The following CDH13 variants were observed in gnomAD, a reference collection of about 807,000 sequenced individuals.
CDH13 encodes cadherin-13.
CDH13 carries 24 observed loss-of-function variants against 63.8 expected under a neutral mutation model. The ratio of observed to expected loss-of-function variants is 0.38; its 90% CI spans 0.27 to 0.53. The LOEUF is 0.53. Ranked by LOEUF, CDH13 falls within the 20% of genes least tolerant of loss-of-function variation. The pLI, the probability that CDH13 is intolerant of heterozygous loss-of-function variation, is 0.85. For synonymous variants in CDH13, 503 were observed against 355.3 expected (o/e 1.42, Z -4.67); for missense variants, 1,049 against 903.1 (o/e 1.16, Z -2.07).
chr16:83,692,115 A>C (rs546285637), intron 10 of CDH13, among the ~76,000 whole-genome samples: 1 of 152,178 alleles, frequency 6.6e-6, no homozygotes, highest in Admixed American at 6.5e-5. Context: ...GAAGCCAGAG[A>C]AGCGTGCCCT....
At chr16:83,604,360 C>G (rs1908130425) in intron 8 of CDH13, among the ~76,000 whole-genome samples, 1 of 152,148 alleles carries the variant, frequency 6.6e-6, no homozygotes, top group Admixed American at 6.5e-5. Flanking sequence ...AACACCAGTT[C>G]TAATTAGTTC....
intron 6 of CDH13, among the ~76,000 whole-genome samples, chr16:83,376,970 A>G (rs977409296): frequency 6.6e-6 from 1 of 152,140 alleles, no homozygotes; most frequent in Non-Finnish European, 1.5e-5. Context: ...CTCAAGCTAT[A>G]TGAAAGGGCC....
chr16:83,492,297 C>G (rs781112330), intron 7 of CDH13, among the ~76,000 whole-genome samples: 1 of 152,152 alleles, frequency 6.6e-6, no homozygotes, highest in Non-Finnish European at 1.5e-5. Flanking sequence ...TTAGGCCTTT[C>G]TGATTTAATG....
intron 5 of CDH13, among the ~76,000 whole-genome samples, chr16:83,315,767 T>C (rs1253356630): frequency 6.6e-6 from 1 of 152,188 alleles, no homozygotes; most frequent in Non-Finnish European, 1.5e-5. Flanking sequence ...CATCAATTTA[T>C]ATCTAAATTA....
Position 83,706,158 on chromosome 16 carries a change from A to G in CDH13, c.1538+27697A>G, listed in dbSNP as rs149738118. 2.9e-3 allele frequency among the ~76,000 whole-genome samples: 439 copies of G among 152,276 alleles called. 1 individual carries two copies. Among genetic ancestry groups the G allele is most frequent in the Non-Finnish European group, 4.6e-3 (314 of 68,008 alleles). On this transcript the variant is annotated intron_variant, in intron 10 of 13. Coordinates refer to ENST00000567109, the MANE Select transcript of CDH13 (RefSeq NM_001257.5). ...TGCTTATTCAGTTGTTTATCTGGCA[A>G]TTGTTGATTGCTGTCAGCCAGAACA... is the stretch of plus-strand genomic sequence containing the variant.
At position 83,548,599 on chromosome 16, in the gene CDH13, G is replaced by T. The variant is rs532642002; in HGVS notation, c.961-53855G>T. On this transcript the variant is annotated intron_variant, in intron 7 of 13. Transcript: ENST00000567109. Reference sequence around the variant, plus strand: ...GAGATATTGGGACCCCGGATAGCCAGTTCTTTTACAAGGGGTATGTGGTGT... The same window carrying T: ...GAGATATTGGGACCCCGGATAGCCATTTCTTTTACAAGGGGTATGTGGTGT... 9.0e-4 allele frequency among the ~76,000 whole-genome samples: 137 copies of T among 152,334 alleles called. 3 individuals are homozygous for T. Among genetic ancestry groups the T allele is most frequent in the African/African-American group, 3.1e-3 (127 of 41,586 alleles).
chr16:83,297,659 C>G (rs1202309985), intron 5 of CDH13, among the ~76,000 whole-genome samples: 1 of 152,006 alleles, frequency 6.6e-6, no homozygotes, highest in Non-Finnish European at 1.5e-5. Context: ...TGGAAACTGA[C>G]AAAGACATAA....
intron 3 of CDH13, among the ~76,000 whole-genome samples, chr16:83,115,398 G>A (rs918355633): frequency 1.3e-5 from 2 of 152,198 alleles, no homozygotes; most frequent in Non-Finnish European, 2.9e-5. Context: ...GTGAATCCAG[G>A]ACTAGGATCC....
At chr16:82,680,355 GAA>G (rs1914412675) in intron 1 of CDH13, among the ~76,000 whole-genome samples, 1 of 152,204 alleles carries the variant, frequency 6.6e-6, no homozygotes, top group Admixed American at 6.5e-5. Flanking sequence ...TACACATCAT[GAA>G]ACTGAGACTT....
chr16:83,031,785 C>G (rs570893339), intron 2 of CDH13, among the ~76,000 whole-genome samples: 7 of 152,268 alleles, frequency 4.6e-5, no homozygotes, highest in African/African-American at 1.7e-4. Flanking sequence ...GAGCTTAGCA[C>G]CTGCCTGGAA....
chr16:82,630,844 G>A (rs181001505), intron 1 of CDH13, among the ~76,000 whole-genome samples: 1 of 152,364 alleles, frequency 6.6e-6, no homozygotes, highest in East Asian at 1.9e-4. Flanking sequence ...GTCTGAGTGA[G>A]TGTGTACATC....
chr16:83,604,645 G>A (rs1908160140), intron 8 of CDH13, among the ~76,000 whole-genome samples: 1 of 152,116 alleles, frequency 6.6e-6, no homozygotes, highest in Non-Finnish European at 1.5e-5. Context: ...TATGGAGCTG[G>A]TGTTTCATGG....
chr16:83,478,917 T>G (rs529426156), intron 6 of CDH13, among the ~76,000 whole-genome samples: 3 of 148,520 alleles, frequency 2.0e-5, no homozygotes, highest in African/African-American at 7.4e-5. Context: ...CAAATGAAAA[T>G]AAAGCCAGTC....
intron 2 of CDH13, among the ~76,000 whole-genome samples, chr16:82,918,114 T>C (rs12923557): frequency 0.33 from 50,856 of 151,974 alleles, 9,560 homozygotes; most frequent in Non-Finnish European, 0.44. Context: ...TGGTAAAAGG[T>C]GGCAGAGCAA....
intron 8 of CDH13, among the ~76,000 whole-genome samples, chr16:83,612,314 G>C (rs2150765148): frequency 6.6e-6 from 1 of 151,946 alleles, no homozygotes; most frequent in East Asian, 1.9e-4. Context: ...TCTCGTATTA[G>C]AATAATTATC....
intron 1 of CDH13, among the ~76,000 whole-genome samples, chr16:82,785,558 A>G (rs1023701859): frequency 1.3e-5 from 2 of 152,212 alleles, no homozygotes; most frequent in East Asian, 3.9e-4. Flanking sequence ...TGACTAATTA[A>G]TCATGCACTT....
chr16:83,052,604 AC>A (rs2030462405), intron 3 of CDH13, among the ~76,000 whole-genome samples: 1 of 152,142 alleles, frequency 6.6e-6, no homozygotes, highest in Admixed American at 6.5e-5. Flanking sequence ...ACATGGCGAA[AC>A]CCTGTCTCTA....
chr16:83,612,308 G>T (rs556345285), intron 8 of CDH13, among the ~76,000 whole-genome samples: 3 of 151,678 alleles, frequency 2.0e-5, no homozygotes, highest in South Asian at 4.2e-4. Context: ...ATCTCATCTC[G>T]TATTAGAATA....
intron 6 of CDH13, among the ~76,000 whole-genome samples, chr16:83,347,720 G>A (rs555178677): frequency 3.3e-5 from 5 of 152,302 alleles, no homozygotes; most frequent in South Asian, 2.1e-4. Context: ...CAGTGTCTAC[G>A]TCTCCAGCTT....
Sources: allele counts gnomAD v4.1 joint callset (sites outside exome capture counted in the v4.1 genomes callset), GRCh38; gene constraint gnomAD v4.1.1; transcripts MANE v1.5; gene names NCBI Gene and HGNC (gene_info 2026-07-23, HGNC 2026-07-21).